Variants in PDE10A observed in about 807,000 individuals in gnomAD.
The protein encoded by PDE10A is phosphodiesterase 10A, also known as cAMP and cAMP-inhibited cGMP 3',5'-cyclic phosphodiesterase 10A.
PDE10A carries 39 observed loss-of-function variants against 97.7 expected under a neutral mutation model. The ratio of observed to expected loss-of-function variants is 0.40; its 90% CI spans 0.31 to 0.52. PDE10A has a LOEUF of 0.52. PDE10A is among the 20% of genes least tolerant of loss of function. PDE10A has a pLI of 0.56. For synonymous variants in PDE10A, 371 were observed against 376.8 expected (o/e 0.98, Z 0.18); for missense variants, 731 against 1,047.8 (o/e 0.70, Z 4.17).
chr6:165,854,733 G>A (rs888844990), intron 1 of PDE10A, among the ~76,000 whole-genome samples: 1 of 152,206 alleles, frequency 6.6e-6, no homozygotes, highest in African/African-American at 2.4e-5. Flanking sequence ...CCTGAGCCCG[G>A]GAGGGACGCG....
At chr6:165,506,475 C>T (rs555782637) in intron 2 of PDE10A, among the ~76,000 whole-genome samples, 56 of 152,092 alleles carry the variant, frequency 3.7e-4, no homozygotes, top group South Asian at 2.9e-3. Context: ...TTTTACATCA[C>T]GTATAATAGA....
intron 1 of PDE10A, among the ~76,000 whole-genome samples, chr6:165,633,863 A>G (rs764863144): frequency 4.1e-4 from 63 of 152,082 alleles, no homozygotes; most frequent in Admixed American, 7.9e-4. Context: ...CTTGAGAATA[A>G]TTTTATTTTT....
chr6:165,585,467 T>C (rs1785854183), intron 1 of PDE10A, among the ~76,000 whole-genome samples: 5 of 152,132 alleles, frequency 3.3e-5, no homozygotes, highest in Admixed American at 3.3e-4. Flanking sequence ...GGGACCTACG[T>C]GCAATCACAC....
intron 18 of PDE10A, among the ~76,000 whole-genome samples, chr6:165,374,163 T>C (rs1784454568): frequency 6.6e-6 from 1 of 150,900 alleles, no homozygotes; most frequent in Non-Finnish European, 1.5e-5. Context: ...CACACCAGCA[T>C]GGCACATGTA....
intron 1 of PDE10A, among the ~76,000 whole-genome samples, chr6:165,788,377 C>A (rs570764371): frequency 9.9e-5 from 15 of 151,584 alleles, no homozygotes; most frequent in Non-Finnish European, 1.6e-4. Flanking sequence ...ATTAGCTGGG[C>A]ATGGTGGTGA....
At chr6:165,607,603 C>A (rs1277606544) in intron 1 of PDE10A, among the ~76,000 whole-genome samples, 3 of 152,110 alleles carry the variant, frequency 2.0e-5, no homozygotes, top group Non-Finnish European at 2.9e-5. Context: ...CAGAAGGTAT[C>A]CCTATCATTA....
intron 18 of PDE10A, among the ~76,000 whole-genome samples, chr6:165,369,171 C>T (rs1298394050): frequency 6.6e-6 from 1 of 152,090 alleles, no homozygotes; most frequent in African/African-American, 2.4e-5. Context: ...AAGCAGAGCA[C>T]CTCTCCTCCT....
intron 1 of PDE10A, among the ~76,000 whole-genome samples, chr6:165,544,863 G>A (rs1783658874): frequency 6.6e-6 from 1 of 151,680 alleles, no homozygotes; most frequent in African/African-American, 2.4e-5. Context: ...AAATAGAGTT[G>A]TATAAGACAA....
chr6:165,861,246 A>G (rs77024620), intron 1 of PDE10A, among the ~76,000 whole-genome samples: 6,400 of 152,282 alleles, frequency 0.042, 163 homozygotes, highest in Middle Eastern at 0.078. Context: ...CGTTAGTTCA[A>G]TCAATATCTA....
intron 1 of PDE10A, among the ~76,000 whole-genome samples, chr6:165,883,813 G>A (rs549884915): frequency 2.0e-5 from 3 of 152,208 alleles, no homozygotes; most frequent in African/African-American, 7.2e-5. Flanking sequence ...ACCCTAAGCC[G>A]CCCATACAGA....
At chr6:165,405,830 G>A (rs1487701433) in intron 13 of PDE10A, among the ~76,000 whole-genome samples, 3 of 152,164 alleles carry the variant, frequency 2.0e-5, no homozygotes, top group Non-Finnish European at 4.4e-5. Flanking sequence ...TGCATCTACT[G>A]CAGAGCAGGC....
intron 1 of PDE10A, among the ~76,000 whole-genome samples, chr6:165,701,883 A>G (rs1791587710): frequency 6.6e-6 from 1 of 152,058 alleles, no homozygotes. Flanking sequence ...ATGAGTCTTG[A>G]TGAATGATGG....
chr6:165,513,081 TA>T (rs1373983682), intron 2 of PDE10A, among the ~76,000 whole-genome samples: 1 of 152,046 alleles, frequency 6.6e-6, no homozygotes, highest in East Asian at 1.9e-4. Context: ...ACTGTTTTTT[TA>T]AAATTTTTTG....
intron 6 of PDE10A, among the ~76,000 whole-genome samples, chr6:165,433,850 CT>C (rs1202681825): frequency 6.6e-6 from 1 of 151,562 alleles, no homozygotes; most frequent in Non-Finnish European, 1.5e-5. Context: ...ACCATCTCTA[CT>C]AAAAATACAA....
chr6:165,524,509 C>T (rs1386669455), intron 2 of PDE10A, among the ~76,000 whole-genome samples: 1 of 152,144 alleles, frequency 6.6e-6, no homozygotes, highest in Non-Finnish European at 1.5e-5. Context: ...ATACATAATA[C>T]CTTTGACCAT....
chr6:165,843,000 GAC>G (rs1583178027), intron 1 of PDE10A, among the ~76,000 whole-genome samples: 1 of 152,212 alleles, frequency 6.6e-6, no homozygotes, highest in East Asian at 1.9e-4. Flanking sequence ...ATTAAGATCT[GAC>G]ACACAAATGT....
chr6:165,573,576 CCA>C (rs1033602991), intron 1 of PDE10A, among the ~76,000 whole-genome samples: 1 of 152,090 alleles, frequency 6.6e-6, no homozygotes, highest in Non-Finnish European at 1.5e-5. Flanking sequence ...ATCAAATTTG[CCA>C]CACTTACTTT....
chr6:165,774,717 G>A (rs1422964402), intron 1 of PDE10A: 1 of 149,676 alleles, frequency 6.7e-6, no homozygotes, highest in Non-Finnish European at 1.5e-5. Flanking sequence ...TCAGATCTCT[G>A]ATGCTACCAA....
At chr6:165,772,217 G>A (rs563722685) in intron 1 of PDE10A, among the ~76,000 whole-genome samples, 1 of 152,276 alleles carries the variant, frequency 6.6e-6, no homozygotes, top group East Asian at 1.9e-4. Flanking sequence ...GGAAACTACA[G>A]TATTGACAAA....
Sources: allele counts gnomAD v4.1 joint callset (sites outside exome capture counted in the v4.1 genomes callset), GRCh38; gene constraint gnomAD v4.1.1; transcripts MANE v1.5; gene names NCBI Gene and HGNC (gene_info 2026-07-23, HGNC 2026-07-21).